The following ZMIZ1 variants were observed in gnomAD, a reference collection of about 807,000 sequenced individuals.
ZMIZ1 encodes zinc finger MIZ domain-containing protein 1.
A neutral mutation model predicts 113.9 loss-of-function variants in ZMIZ1; 17 were observed. That is an observed-to-expected ratio of 0.15 (90% CI 0.10 to 0.22). The LOEUF (loss-of-function observed/expected upper bound fraction) is 0.22, where lower values mean the gene tolerates loss of function less well. ZMIZ1 is among the 10% of genes least tolerant of loss of function. ZMIZ1 has a pLI of 1.00. For missense variants in ZMIZ1, 1,059 were observed against 1,477.8 expected (o/e 0.72, Z 4.65); for synonymous variants, 607 against 603.1 (o/e 1.01, Z -0.09).
At chr10:79,206,936 A>G (rs1198114980) in intron 5 of ZMIZ1, among the ~76,000 whole-genome samples, 1 of 152,184 alleles carries the variant, frequency 6.6e-6, no homozygotes, top group East Asian at 1.9e-4. Flanking sequence ...CCTCGCATGA[A>G]CTACATTGTA....
At chr10:79,309,429 C>T (rs1239666940) in intron 23 of ZMIZ1, among the ~76,000 whole-genome samples, 3 of 152,242 alleles carry the variant, frequency 2.0e-5, no homozygotes, top group Admixed American at 6.5e-5. Flanking sequence ...CCTAAGCTGG[C>T]CTCTCACTGA....
At chr10:79,132,290 G>T (rs957304334) in intron 2 of ZMIZ1, among the ~76,000 whole-genome samples, 5 of 152,176 alleles carry the variant, frequency 3.3e-5, no homozygotes, top group Non-Finnish European at 7.3e-5. Context: ...TGCAGCAGTG[G>T]CTCCCATGTC....
At chr10:79,107,394 G>A (rs56019917) in intron 1 of ZMIZ1, among the ~76,000 whole-genome samples, 73,568 of 152,114 alleles carry the variant, frequency 0.48, 18,173 homozygotes, top group African/African-American at 0.59. Context: ...AAGGGGTGTA[G>A]ACACCACACG....
intron 18 of ZMIZ1, 85 bp from the exon 19 acceptor site, chr10:79,303,930 C>T (rs1003044142): frequency 9.6e-6 from 15 of 1,556,204 alleles, no homozygotes; most frequent in African/African-American, 1.4e-5. Context: ...CCCAGCTGCA[C>T]GAGGAAGTGG....
At chr10:79,270,535 C>T (rs1265046301) in intron 7 of ZMIZ1, among the ~76,000 whole-genome samples, 1 of 152,180 alleles carries the variant, frequency 6.6e-6, no homozygotes, top group African/African-American at 2.4e-5. Context: ...AATGCGCCGC[C>T]GATCATACTA....
chr10:79,182,870 A>T (rs1847178366), intron 4 of ZMIZ1, among the ~76,000 whole-genome samples: 1 of 152,190 alleles, frequency 6.6e-6, no homozygotes, highest in African/African-American at 2.4e-5. Flanking sequence ...TATCCATTAG[A>T]TGTACACTGT....
intron 7 of ZMIZ1, among the ~76,000 whole-genome samples, chr10:79,241,699 C>T (rs1849838618): frequency 6.6e-6 from 1 of 152,048 alleles, no homozygotes; most frequent in Non-Finnish European, 1.5e-5. Context: ...AGCCTGCTAA[C>T]GATTTATGTC....
At chr10:79,112,785 G>C (rs939436440) in intron 1 of ZMIZ1, among the ~76,000 whole-genome samples, 3 of 152,232 alleles carry the variant, frequency 2.0e-5, no homozygotes, top group Admixed American at 6.5e-5. Flanking sequence ...TGGGCATTTG[G>C]GGAGGGAGGG....
Position 79,301,611 on chromosome 10 carries a change from G to A in ZMIZ1, c.2020-496G>A, listed in dbSNP as rs549736198. Among the ~76,000 whole-genome samples, 212 of 152,292 alleles carry A rather than the reference G, an allele frequency of 1.4e-3. 1 individual carries two copies. Among genetic ancestry groups the A allele is most frequent in the Non-Finnish European group, 6.5e-4 (44 of 68,020 alleles). On this transcript the variant is annotated intron_variant, in intron 17 of 24. Coordinates refer to ENST00000334512, the MANE Select transcript of ZMIZ1 (RefSeq NM_020338.4). ...TCCACCCTTGTGAGCTTAGGGGCAC[G>A]GAGGCTACACAGAGATAGGGGTCAC...
Position 79,148,133 on chromosome 10 carries a change from TC to T in ZMIZ1, c.-131+8359del, listed in dbSNP as rs561554827. 6.2e-4 allele frequency among the ~76,000 whole-genome samples: 95 copies of T among 152,230 alleles called. 2 individuals are homozygous for T. The South Asian group carries it at 0.02, about 31-fold the overall frequency. On this transcript the variant is annotated intron_variant, in intron 3 of 24. Coordinates refer to ENST00000334512, the MANE Select transcript of ZMIZ1 (RefSeq NM_020338.4). ...GTTTGTCCACCTCCTCCCTGCTTCTTCCCTCTTTCCTTCCTTTGACAAACAT... is the reference window on the plus strand; with the variant it reads ...GTTTGTCCACCTCCTCCCTGCTTCTTCCTCTTTCCTTCCTTTGACAAACAT...
rs142030535 is a variant in ZMIZ1 at position 79,110,700 on chromosome 10, A to G, written c.-336-8215A>G. On this transcript the variant is annotated intron_variant, in intron 1 of 24. Transcript: ENST00000334512. ...CTGAACCATATGGTGGCTGCACCACAGCTGGCTCAGAGGCTCTGAAAGAAG... is the reference window on the plus strand; with the variant it reads ...CTGAACCATATGGTGGCTGCACCACGGCTGGCTCAGAGGCTCTGAAAGAAG... 7.5e-3 allele frequency among the ~76,000 whole-genome samples: 1,135 copies of G among 152,326 alleles called. 6 individuals are homozygous for G. The highest frequency in any genetic ancestry group is 0.021 in the South Asian group (103 of 4,824).
At chr10:79,301,513 C>T (rs2132068902) in intron 17 of ZMIZ1, among the ~76,000 whole-genome samples, 1 of 152,068 alleles carries the variant, frequency 6.6e-6, no homozygotes, top group East Asian at 1.9e-4. Flanking sequence ...CTTGCTCAGG[C>T]CCCAGTGGAA....
chr10:79,073,682 T>C (rs1842372120), intron 1 of ZMIZ1, among the ~76,000 whole-genome samples: 1 of 151,298 alleles, frequency 6.6e-6, no homozygotes, highest in Non-Finnish European at 1.5e-5. Flanking sequence ...TAGCCCTTAT[T>C]GGGAATGACC....
chr10:79,156,768 C>T (rs1358066599), intron 3 of ZMIZ1, among the ~76,000 whole-genome samples: 1 of 152,224 alleles, frequency 6.6e-6, no homozygotes, highest in African/African-American at 2.4e-5. Flanking sequence ...AAACTACCAG[C>T]TTCCTAGGTC....
At chr10:79,099,508 G>T (rs185637297) in intron 1 of ZMIZ1, among the ~76,000 whole-genome samples, 1 of 152,230 alleles carries the variant, frequency 6.6e-6, no homozygotes, top group Non-Finnish European at 1.5e-5. Context: ...TTAGACTGGC[G>T]TGTGGAAGAC....
At chr10:79,225,438 G>A (rs1043939038) in intron 7 of ZMIZ1, among the ~76,000 whole-genome samples, 9 of 152,078 alleles carry the variant, frequency 5.9e-5, no homozygotes, top group Admixed American at 2.6e-4. Context: ...TAGTTAAAAA[G>A]GGAGGTGATG....
rs145527967 is a variant in ZMIZ1, at chr10:79,304,977, G to A, written c.2287-187G>A. ...GGGAGGTGGTGTGAGGGATGCTGGG[G>A]TGGAGGCATAAGGACTCTGCGTGGC... On this transcript the variant is annotated intron_variant, in intron 19 of 24. Transcript: ENST00000334512. 9.4e-3 allele frequency among the ~76,000 whole-genome samples: 1,427 copies of A among 152,256 alleles called. 31 individuals are homozygous for A. The highest frequency in any genetic ancestry group is 0.032 in the African/African-American group (1,319 of 41,528).
chr10:79,208,926 G>T (rs1216985711), intron 6 of ZMIZ1, among the ~76,000 whole-genome samples: 1 of 152,150 alleles, frequency 6.6e-6, no homozygotes, highest in Non-Finnish European at 1.5e-5. Context: ...GATCATGTAT[G>T]ATCCCTCTGC....
At chr10:79,302,406 G>A (rs1854368477) in intron 18 of ZMIZ1, among the ~76,000 whole-genome samples, 194 bp downstream of exon 18, 1 of 152,214 alleles carries the variant, frequency 6.6e-6, no homozygotes. Flanking sequence ...GGTCAGAGAA[G>A]CTAGGTCCCA....
Sources: allele counts gnomAD v4.1 joint callset (sites outside exome capture counted in the v4.1 genomes callset), GRCh38; gene constraint gnomAD v4.1.1; transcripts MANE v1.5; gene names NCBI Gene and HGNC (gene_info 2026-07-23, HGNC 2026-07-21).